SPATA13: variants seen among roughly 807,000 people sequenced by gnomAD.
SPATA13 encodes spermatogenesis associated 13.
SPATA13 carries 50 observed loss-of-function variants against 104.0 expected under a neutral mutation model. The ratio of observed to expected loss-of-function variants is 0.48; its 90% CI spans 0.38 to 0.61. The LOEUF is 0.61. Ranked by LOEUF, SPATA13 falls within the 20% of genes least tolerant of loss-of-function variation. The pLI is 0.00. For synonymous variants in SPATA13, 606 were observed against 667.5 expected (o/e 0.91, Z 1.42); for missense variants, 1,524 against 1,690.6 (o/e 0.90, Z 1.73).
In SPATA13 at chr13:24,303,313, C is replaced by T. The variant is rs561776098; in HGVS notation, c.*540C>T. On this transcript the variant is annotated 3_prime_UTR_variant, in exon 13 of 13. Coordinates refer to ENST00000382108, the MANE Select transcript of SPATA13 (RefSeq NM_001166271.3). ...CCTACAGCTGCCGTGGGGCTGACCA[C>T]GGTGTTCCCTGGCATCGTCTGTGTC... 11 of 344,440 alleles carry T rather than the reference C, an allele frequency of 3.2e-5. No individual in the cohort carries two copies. The highest frequency in any genetic ancestry group is 1.8e-4 in the South Asian group (8 of 44,008). The allele number at this position is 344,440 out of a possible 1,614,324, so 21.3% of individuals were successfully genotyped here.
chr13:24,076,761 T>C (rs1371089077), intron 3 of SPATA13, among the ~76,000 whole-genome samples: 1 of 151,704 alleles, frequency 6.6e-6, no homozygotes, highest in Admixed American at 6.6e-5. Context: ...GTCACTCTTA[T>C]GTAAAAGGAA....
At chr13:24,279,447 A>AT (rs1473599092) in intron 4 of SPATA13, among the ~76,000 whole-genome samples, 1 of 152,160 alleles carries the variant, frequency 6.6e-6, no homozygotes, top group Non-Finnish European at 1.5e-5. Context: ...TCTGGCAGCT[A>AT]TGGCCTGCCG....
At chr13:24,045,066 T>C (rs1248909597) in intron 3 of SPATA13, among the ~76,000 whole-genome samples, 1 of 152,210 alleles carries the variant, frequency 6.6e-6, no homozygotes, top group Non-Finnish European at 1.5e-5. Context: ...CGGCGGAGTT[T>C]GTAAGATTTT....
intron 4 of SPATA13, chr13:24,270,992 CCTCTCT>C (rs137979505): frequency 2.3e-6 from 2 of 851,350 alleles, no homozygotes; most frequent in Non-Finnish European, 3.8e-6. Flanking sequence ...CAGTTCTTCC[CCTCTCT>C]CTCTCTCTCT....
intron 3 of SPATA13, among the ~76,000 whole-genome samples, chr13:24,110,688 G>A (rs758190972): frequency 1.1e-4 from 16 of 152,176 alleles, no homozygotes; most frequent in Admixed American, 5.2e-4. Context: ...ACATGCCCCC[G>A]CTGATGAGGT....
At chr13:24,101,761 T>C (rs561714196) in intron 3 of SPATA13, among the ~76,000 whole-genome samples, 92 of 152,350 alleles carry the variant, frequency 6.0e-4, no homozygotes, top group African/African-American at 2.1e-3. Context: ...ACATATTTCA[T>C]GTAGCTTAAT....
chr13:24,110,205 G>A (rs1435349186), intron 3 of SPATA13, among the ~76,000 whole-genome samples: 1 of 151,766 alleles, frequency 6.6e-6, no homozygotes, highest in Non-Finnish European at 1.5e-5. Flanking sequence ...AATCAATGCA[G>A]CTGTGTTCTG....
intron 3 of SPATA13, among the ~76,000 whole-genome samples, chr13:24,134,703 C>G (rs1881501014): frequency 6.6e-6 from 1 of 152,166 alleles, no homozygotes; most frequent in African/African-American, 2.4e-5. Context: ...ACTGTTCCAG[C>G]CCTCACCAGT....
At chr13:24,029,872 G>A (rs868544811) in intron 3 of SPATA13, among the ~76,000 whole-genome samples, 1 of 151,928 alleles carries the variant, frequency 6.6e-6, no homozygotes, top group African/African-American at 2.4e-5. Flanking sequence ...GAGAACATGC[G>A]GTATTTGGTT....
Position 24,122,646 on chromosome 13 carries a change from A to AC in SPATA13, c.-111-100173_-111-100172insC, listed in dbSNP as rs1310977549. ...AAGAACCTTTTTGCACATACTGTAT[A>AC]TCACTTCAAGATACTTGGTGACAGA... is the stretch of plus-strand genomic sequence containing the variant. On this transcript the variant is annotated intron_variant, in intron 3 of 14. Coordinates refer to the SPATA13 transcript ENST00000424834. 2,696 of 1,195,022 alleles carry AC rather than the reference A, an allele frequency of 2.3e-3. 48 individuals carry two copies. The African/African-American group carries it at 0.036, about 16-fold the overall frequency. The allele number at this position is 1,195,022 out of a possible 1,614,324, so 74.0% of individuals were successfully genotyped here.
At chr13:24,018,770 CATTT>C (rs1303787396) in intron 3 of SPATA13, among the ~76,000 whole-genome samples, 1 of 152,138 alleles carries the variant, frequency 6.6e-6, no homozygotes, top group African/African-American at 2.4e-5. Context: ...TAACTATTCA[CATTT>C]GTTTGTGAGA....
chr13:24,090,403 C>T (rs562565763), intron 3 of SPATA13, among the ~76,000 whole-genome samples: 29 of 152,242 alleles, frequency 1.9e-4, no homozygotes, highest in African/African-American at 5.5e-4. Flanking sequence ...CTAGATGCCC[C>T]GCAAACACCT....
chr13:24,263,308 C>T (rs1312418308), intron 4 of SPATA13, among the ~76,000 whole-genome samples: 1 of 152,224 alleles, frequency 6.6e-6, no homozygotes, highest in Non-Finnish European at 1.5e-5. Flanking sequence ...AGCAGCGGAG[C>T]TCTCAGGAAA....
chr13:24,005,645 A>G (rs1876187829), intron 2 of SPATA13, among the ~76,000 whole-genome samples: 1 of 152,146 alleles, frequency 6.6e-6, no homozygotes, highest in Admixed American at 6.5e-5. Context: ...CTGAGTTCAT[A>G]AAAGTGTCTT....
At chr13:24,049,839 C>A (rs188375421) in intron 3 of SPATA13, among the ~76,000 whole-genome samples, 1 of 152,206 alleles carries the variant, frequency 6.6e-6, no homozygotes, top group East Asian at 1.9e-4. Context: ...AGAGGGAAAT[C>A]GGATTCTTTC....
intron 3 of SPATA13, among the ~76,000 whole-genome samples, chr13:24,120,684 A>T (rs1881005323): frequency 6.6e-6 from 1 of 152,220 alleles, no homozygotes; most frequent in African/African-American, 2.4e-5. Flanking sequence ...GCACAAAGTA[A>T]TGCTCCATAA....
chr13:24,232,786 T>G (rs1278454149), intron 2 of SPATA13, among the ~76,000 whole-genome samples: 1 of 152,212 alleles, frequency 6.6e-6, no homozygotes, highest in East Asian at 1.9e-4. Context: ...TGAGCTCAAG[T>G]GGTCTGCCTG....
intron 4 of SPATA13, among the ~76,000 whole-genome samples, chr13:24,273,929 A>G (rs1011186681): frequency 3.9e-5 from 6 of 152,116 alleles, no homozygotes; most frequent in East Asian, 1.9e-4. Flanking sequence ...GCCTCAAGCA[A>G]TCCTCCTGCC....
intron 3 of SPATA13, among the ~76,000 whole-genome samples, chr13:24,087,374 A>G (rs1158490138): frequency 1.3e-5 from 2 of 152,240 alleles, no homozygotes; most frequent in Non-Finnish European, 2.9e-5. Flanking sequence ...CCCCAGGGGC[A>G]GGATTAGACA....
Sources: allele counts gnomAD v4.1 joint callset (sites outside exome capture counted in the v4.1 genomes callset), GRCh38; gene constraint gnomAD v4.1.1; transcripts MANE v1.5; gene names NCBI Gene and HGNC (gene_info 2026-07-23, HGNC 2026-07-21).